KLF8: variants seen among roughly 807,000 people sequenced by gnomAD.
KLF8 encodes the protein KLF transcription factor 8.
A neutral mutation model predicts 18.2 loss-of-function variants in KLF8; 10 were observed. The ratio of observed to expected loss-of-function variants is 0.55; its 90% CI spans 0.34 to 0.93. KLF8 has a LOEUF of 0.93. Ranked by LOEUF, KLF8 falls within the 40% of genes least tolerant of loss-of-function variation. KLF8 has a pLI of 0.02. For synonymous variants in KLF8, 109 were observed against 97.3 expected (o/e 1.12, Z -0.71); for missense variants, 264 against 277.9 (o/e 0.95, Z 0.36).
the KLF8 span, among the ~76,000 whole-genome samples, chrX:55,957,367 A>C: frequency 8.9e-6 from 1 of 112,077 alleles, no homozygotes; most frequent in Non-Finnish European, 1.9e-5. Flanking sequence ...GGCTTTGACT[A>C]TTCAGGGTCC....
At chrX:56,138,798 T>C in the KLF8 span, among the ~76,000 whole-genome samples, 1 of 111,072 alleles carries the variant, frequency 9.0e-6, no homozygotes, top group East Asian at 2.8e-4. Flanking sequence ...TTCAAAATAG[T>C]ATGGGAAGTG....
At chrX:56,011,568 C>G in the KLF8 span, among the ~76,000 whole-genome samples, 1 of 110,694 alleles carries the variant, frequency 9.0e-6, no homozygotes, top group Non-Finnish European at 1.9e-5. Context: ...CAACAGCAAA[C>G]AAATCCCAAA....
the KLF8 span, among the ~76,000 whole-genome samples, chrX:56,161,965 T>G: frequency 8.9e-6 from 1 of 112,127 alleles, no homozygotes; most frequent in Non-Finnish European, 1.9e-5. Flanking sequence ...ATGTCCCTTC[T>G]GTTTGTTAGT....
intron 5 of KLF8, among the ~76,000 whole-genome samples, chrX:56,271,952 T>C (rs1453052424): frequency 8.9e-6 from 1 of 111,854 alleles, no homozygotes; most frequent in Non-Finnish European, 1.9e-5. Flanking sequence ...TATGATATAC[T>C]AAAAGTCTGG....
the KLF8 span, among the ~76,000 whole-genome samples, chrX:56,008,612 C>T: frequency 3.6e-5 from 4 of 112,144 alleles, no homozygotes; most frequent in Admixed American, 9.4e-5. Context: ...GGCCACTTGG[C>T]TGGGGACTGC....
the KLF8 span, among the ~76,000 whole-genome samples, chrX:56,166,930 G>C: frequency 9.0e-6 from 1 of 110,821 alleles, no homozygotes; most frequent in East Asian, 2.8e-4. Context: ...CCTATCCAAG[G>C]ATTTCCTGCT....
the KLF8 span, among the ~76,000 whole-genome samples, chrX:56,183,474 G>C: frequency 1.8e-5 from 2 of 111,594 alleles, no homozygotes; most frequent in East Asian, 5.7e-4. Context: ...TGCACCCACT[G>C]TCCAAAAAGC....
At chrX:56,027,313 G>T in the KLF8 span, among the ~76,000 whole-genome samples, 139 of 111,763 alleles carry the variant, frequency 1.2e-3, no homozygotes, top group African/African-American at 4.2e-3. Flanking sequence ...GAGTTTCCTC[G>T]GCTCACTGAG....
the KLF8 span, among the ~76,000 whole-genome samples, chrX:56,112,445 G>A: frequency 3.6e-5 from 4 of 111,461 alleles, no homozygotes; most frequent in South Asian, 3.8e-4. Flanking sequence ...AAACTTGCAC[G>A]TTCTGCACAT....
chrX:56,137,405 C>T, the KLF8 span, among the ~76,000 whole-genome samples: 1 of 105,751 alleles, frequency 9.5e-6, no homozygotes, highest in South Asian at 4.4e-4. Context: ...CACATATACA[C>T]CATGGAATAC....
At chrX:56,085,601 A>G in the KLF8 span, among the ~76,000 whole-genome samples, 8 of 112,337 alleles carry the variant, frequency 7.1e-5, no homozygotes, top group Middle Eastern at 4.6e-3. Flanking sequence ...AATCTCTTCT[A>G]GAAACGTACT....
At chrX:56,123,949 C>T in the KLF8 span, among the ~76,000 whole-genome samples, 3 of 111,940 alleles carry the variant, frequency 2.7e-5, no homozygotes, top group Non-Finnish European at 5.6e-5. Context: ...AAGTAACTCC[C>T]TTCCTGCTAG....
At chrX:56,037,353 AG>A in the KLF8 span, among the ~76,000 whole-genome samples, 1 of 110,189 alleles carries the variant, frequency 9.1e-6, no homozygotes, top group African/African-American at 3.4e-5. Flanking sequence ...TGTGTTCGTC[AG>A]GAAGATTGGT....
the KLF8 span, among the ~76,000 whole-genome samples, chrX:56,002,622 AC>A: frequency 1.8e-5 from 2 of 112,260 alleles, no homozygotes; most frequent in Non-Finnish European, 3.8e-5. Context: ...GTTTTCTGCT[AC>A]AGAATAGTCA....
At chrX:56,270,347 AACACACACACAC>A (rs370151924) in intron 5 of KLF8, 26 bp downstream of exon 5, 18 of 652,134 alleles carry the variant, frequency 2.8e-5, no homozygotes, top group Non-Finnish European at 3.5e-5. Flanking sequence ...TCTCACCCCC[AACACACACACAC>A]ACACACACAC....
At chrX:56,187,164 G>C in the KLF8 span, among the ~76,000 whole-genome samples, 1 of 111,243 alleles carries the variant, frequency 9.0e-6, no homozygotes, top group Non-Finnish European at 1.9e-5. Flanking sequence ...GAATCAAATA[G>C]ACGCAATAAA....
chrX:56,038,454 T>A, the KLF8 span, among the ~76,000 whole-genome samples: 4 of 112,105 alleles, frequency 3.6e-5, no homozygotes, highest in Admixed American at 3.8e-4. Flanking sequence ...ACCACATTTA[T>A]GAGTGAGAAC....
chrX:56,159,863 A>G, the KLF8 span, among the ~76,000 whole-genome samples: 17 of 111,384 alleles, frequency 1.5e-4, no homozygotes, highest in African/African-American at 5.5e-4. Context: ...GATTTTTTGA[A>G]GGGTTTTTTT....
chrX:56,065,012 G>T, the KLF8 span, among the ~76,000 whole-genome samples: 4 of 111,384 alleles, frequency 3.6e-5, no homozygotes, highest in Admixed American at 9.6e-5. Flanking sequence ...ATTTTTGGGG[G>T]TTTTTAGAAT....
Sources: allele counts gnomAD v4.1 joint callset (sites outside exome capture counted in the v4.1 genomes callset), GRCh38; gene constraint gnomAD v4.1.1; transcripts MANE v1.5; gene names NCBI Gene and HGNC (gene_info 2026-07-23, HGNC 2026-07-21).